The following CLSTN2 variants were observed in gnomAD, a reference collection of about 807,000 sequenced individuals.
The protein encoded by CLSTN2 is calsyntenin 2.
Under a neutral mutation model 101.2 loss-of-function variants are expected in CLSTN2, and 48 were observed. The ratio of observed to expected loss-of-function variants is 0.47; its 90% CI spans 0.38 to 0.60. CLSTN2 has a LOEUF of 0.60. Ranked by LOEUF, CLSTN2 falls within the 20% of genes least tolerant of loss-of-function variation. CLSTN2 has a pLI of 0.00. For synonymous variants in CLSTN2, 481 were observed against 463.6 expected (o/e 1.04, Z -0.48); for missense variants, 1,160 against 1,238.2 (o/e 0.94, Z 0.95).
At chr3:140,178,508 C>T (rs1426083600) in intron 2 of CLSTN2, among the ~76,000 whole-genome samples, 2 of 152,158 alleles carry the variant, frequency 1.3e-5, no homozygotes, top group African/African-American at 4.8e-5. Flanking sequence ...TTAAAGACAA[C>T]TTCTATACTT....
intron 8 of CLSTN2, among the ~76,000 whole-genome samples, chr3:140,498,187 A>C (rs1020988724): frequency 2.6e-5 from 4 of 152,206 alleles, no homozygotes; most frequent in African/African-American, 7.2e-5. Flanking sequence ...AAAATAATTA[A>C]CTATTGTGTC....
chr3:140,427,126 G>C (rs893903283), intron 5 of CLSTN2, among the ~76,000 whole-genome samples: 4 of 141,820 alleles, frequency 2.8e-5, no homozygotes, highest in African/African-American at 1.2e-4. Context: ...CAGTTAGCCA[G>C]TAGTGCGCCA....
chr3:140,210,660 CTG>C (rs1184637494), intron 2 of CLSTN2, among the ~76,000 whole-genome samples: 2 of 152,164 alleles, frequency 1.3e-5, no homozygotes, highest in Non-Finnish European at 2.9e-5. Context: ...TGAATCCACA[CTG>C]TGTCTGGACC....
At chr3:139,966,828 T>G (rs559263457) in intron 1 of CLSTN2, among the ~76,000 whole-genome samples, 5 of 152,226 alleles carry the variant, frequency 3.3e-5, no homozygotes, top group Admixed American at 3.3e-4. Flanking sequence ...TTGTGCGAAG[T>G]GGGCAGGACC....
intron 1 of CLSTN2, among the ~76,000 whole-genome samples, chr3:139,989,124 A>G (rs1052827245): frequency 2.2e-4 from 33 of 152,164 alleles, no homozygotes; most frequent in Non-Finnish European, 2.9e-5. Flanking sequence ...TCTCACAGGC[A>G]AAAAATGGTC....
intron 2 of CLSTN2, among the ~76,000 whole-genome samples, chr3:140,401,105 C>T (rs1012787111): frequency 2.6e-5 from 4 of 152,204 alleles, no homozygotes; most frequent in African/African-American, 7.2e-5. Context: ...CAGTGCTTGG[C>T]ACATAGTGCC....
intron 2 of CLSTN2, among the ~76,000 whole-genome samples, chr3:140,277,106 G>GT (rs1271116546): frequency 4.6e-5 from 7 of 152,228 alleles, no homozygotes; most frequent in Non-Finnish European, 8.8e-5. Flanking sequence ...TTGGATTACA[G>GT]TAAGTCATAG....
At chr3:140,081,191 G>A (rs573307668) in intron 1 of CLSTN2, among the ~76,000 whole-genome samples, 1 of 152,274 alleles carries the variant, frequency 6.6e-6, no homozygotes, top group African/African-American at 2.4e-5. Context: ...TTGAACAATA[G>A]TGGAATTTTT....
chr3:140,401,871 G>A (rs1424329751), intron 2 of CLSTN2, among the ~76,000 whole-genome samples: 1 of 152,178 alleles, frequency 6.6e-6, no homozygotes, highest in Non-Finnish European at 1.5e-5. Context: ...TGCCCTGGAG[G>A]CTGCAGAACT....
At chr3:140,416,541 G>GA (rs2088433140) in intron 4 of CLSTN2, among the ~76,000 whole-genome samples, 1 of 152,040 alleles carries the variant, frequency 6.6e-6, no homozygotes, top group South Asian at 2.1e-4. Context: ...CATAAAGCTG[G>GA]AAAAAAATCC....
intron 8 of CLSTN2, among the ~76,000 whole-genome samples, chr3:140,513,570 T>C (rs1934856090): frequency 8.1e-6 from 1 of 123,842 alleles, no homozygotes; most frequent in African/African-American, 3.0e-5. Context: ...TGAAGCTTTC[T>C]TTTTTTTTCT....
intron 1 of CLSTN2, among the ~76,000 whole-genome samples, chr3:140,170,764 A>C (rs750976575): frequency 7.2e-5 from 11 of 152,198 alleles, no homozygotes; most frequent in Admixed American, 1.3e-4. Context: ...TGAGTAATGA[A>C]AAAGCAGCAG....
intron 2 of CLSTN2, among the ~76,000 whole-genome samples, chr3:140,394,980 G>C (rs1214481473): frequency 6.6e-6 from 1 of 152,118 alleles, no homozygotes; most frequent in East Asian, 1.9e-4. Flanking sequence ...ATTATGACTA[G>C]CTGAGTCAGA....
At chr3:140,276,156 A>G (rs2086792749) in intron 2 of CLSTN2, among the ~76,000 whole-genome samples, 1 of 152,140 alleles carries the variant, frequency 6.6e-6, no homozygotes, top group African/African-American at 2.4e-5. Flanking sequence ...CATGAGGTGT[A>G]GCTCCATGGG....
chr3:140,532,400 C>T lies in CLSTN2; in HGVS notation c.1421C>T (p.Thr474Ile). The T allele has an allele frequency of 1.2e-6, 2 of 1,613,736 alleles. No individual in the cohort carries two copies. Among genetic ancestry groups the T allele is most frequent in the Non-Finnish European group, 1.7e-6 (2 of 1,179,672 alleles). ...PVVTLYMDGA[T>I]YEPYLVTNDW... ...GTAACCTTATACATGGATGGAGCAACATATGAACCATACCTGGTGACCAAC... is the reference window on the plus strand; with the variant it reads ...GTAACCTTATACATGGATGGAGCAATATATGAACCATACCTGGTGACCAAC... The change falls in exon 9 of 17, where the codon ACA (threonine) becomes ATA (isoleucine). Residue 474 changes from threonine to isoleucine, a missense_variant. Transcript: ENST00000458420.
intron 2 of CLSTN2, among the ~76,000 whole-genome samples, chr3:140,271,661 C>T (rs2086743267): frequency 6.6e-6 from 1 of 152,154 alleles, no homozygotes; most frequent in Non-Finnish European, 1.5e-5. Context: ...TAATCACTTC[C>T]CAGTGGCCCC....
At chr3:140,396,129 T>C (rs956090523) in intron 2 of CLSTN2, among the ~76,000 whole-genome samples, 6 of 152,196 alleles carry the variant, frequency 3.9e-5, no homozygotes, top group African/African-American at 7.2e-5. Flanking sequence ...ACCTTGACTC[T>C]TGCCCAGTGA....
At chr3:140,371,552 G>A (rs2087857653) in intron 2 of CLSTN2, among the ~76,000 whole-genome samples, 1 of 152,144 alleles carries the variant, frequency 6.6e-6, no homozygotes, top group Admixed American at 6.5e-5. Flanking sequence ...TTGGCCACCT[G>A]TGCCTGGGCA....
chr3:140,052,485 TC>T (rs1357681138), intron 1 of CLSTN2, among the ~76,000 whole-genome samples: 3 of 152,132 alleles, frequency 2.0e-5, no homozygotes, highest in Non-Finnish European at 2.9e-5. Flanking sequence ...GATCCCAGGG[TC>T]CACACCTGCT....
Sources: allele counts gnomAD v4.1 joint callset (sites outside exome capture counted in the v4.1 genomes callset), GRCh38; gene constraint gnomAD v4.1.1; transcripts MANE v1.5; gene names NCBI Gene and HGNC (gene_info 2026-07-23, HGNC 2026-07-21).